Variants in ITSN2 observed in about 807,000 individuals in gnomAD.
ITSN2 encodes intersectin 2.
ITSN2 carries 156 observed loss-of-function variants against 243.7 expected under a neutral mutation model. The observed-to-expected ratio is 0.64, with a 90% confidence interval of 0.56 to 0.73. The LOEUF (loss-of-function observed/expected upper bound fraction) is 0.73. ITSN2 is among the 30% of genes least tolerant of loss of function. The pLI is 0.00. For missense variants in ITSN2, 1,801 were observed against 1,996.1 expected, an observed-to-expected ratio of 0.90 and a Z score of 1.86; for synonymous variants, 703 against 699.9, an observed-to-expected ratio of 1.00 and a Z score of -0.07.
chr2:24,339,642 T>C (rs1456646548), intron 1 of ITSN2, among the ~76,000 whole-genome samples: 1 of 152,120 alleles, frequency 6.6e-6, no homozygotes, highest in South Asian at 2.1e-4. Flanking sequence ...TTGTGTTTTA[T>C]ATATTGAAGC....
rs539957581 is a variant in ITSN2 at position 24,264,305 on chromosome 2, C to T, written c.2356-2563G>A. ...ACTCGGGAGGTGGAGGCAGGAGAATCGCTTGAACCAGGAAGGAGGTTGCAG... is the reference window on the plus strand; with the variant it reads ...ACTCGGGAGGTGGAGGCAGGAGAATTGCTTGAACCAGGAAGGAGGTTGCAG... On this transcript the variant is annotated intron_variant, in intron 20 of 39. Transcript: ENST00000355123. Among the ~76,000 whole-genome samples, 15 of 151,836 alleles carry T rather than the reference C, an allele frequency of 9.9e-5. No individual in the cohort carries two copies. The East Asian group carries it at 2.5e-3, about 26-fold the overall frequency.
intron 4 of ITSN2, 52 bp downstream of exon 4, chr2:24,313,388 TTTATGTTAACACTATATTAC>T: frequency 7.8e-7 from 1 of 1,276,442 alleles, no homozygotes; most frequent in Non-Finnish European, 1.1e-6. Context: ...TAAAAACAAT[TTTATGTTAACACTATATTAC>T]AAAAAAACAA....
intron 6 of ITSN2, 21 bp from the exon 7 acceptor site, chr2:24,310,401 A>G: frequency 6.2e-7 from 1 of 1,609,468 alleles, no homozygotes; most frequent in Non-Finnish European, 8.5e-7. Context: ...AAAAGAAGGA[A>G]AAGTATGAAA....
At chr2:24,255,753 C>G (rs1023927951) in intron 23 of ITSN2, among the ~76,000 whole-genome samples, 3 of 151,652 alleles carry the variant, frequency 2.0e-5, no homozygotes, top group Admixed American at 6.6e-5. Context: ...GTAGTGAAAC[C>G]CTGTCTCTAC....
intron 1 of ITSN2, among the ~76,000 whole-genome samples, chr2:24,358,636 A>G (rs985088879): frequency 6.6e-6 from 1 of 152,222 alleles, no homozygotes; most frequent in African/African-American, 2.4e-5. Context: ...AGATATACTA[A>G]CTACATAAGG....
At chr2:24,281,450 T>G (rs1051768318) in intron 17 of ITSN2, among the ~76,000 whole-genome samples, 46 of 152,224 alleles carry the variant, frequency 3.0e-4, no homozygotes, top group Admixed American at 2.9e-3. Flanking sequence ...GAGCTCATCT[T>G]GATCATAGTG....
intron 29 of ITSN2, among the ~76,000 whole-genome samples, chr2:24,223,824 G>A (rs377732196): frequency 7.7e-5 from 11 of 142,928 alleles, no homozygotes; most frequent in East Asian, 2.0e-4. Context: ...GGAAGGAAGG[G>A]AAAAAAAGGA....
chr2:24,333,723 T>C (rs953564693), intron 1 of ITSN2, among the ~76,000 whole-genome samples: 2 of 152,160 alleles, frequency 1.3e-5, no homozygotes, highest in African/African-American at 4.8e-5. Flanking sequence ...TTGGAGTAAT[T>C]GCCAAACGTA....
At chr2:24,307,814 T>C (rs1360693712) in intron 8 of ITSN2, among the ~76,000 whole-genome samples, 1 of 152,196 alleles carries the variant, frequency 6.6e-6, no homozygotes, top group Non-Finnish European at 1.5e-5. Flanking sequence ...TCTTAATTTC[T>C]CCTTTGTCAC....
chr2:24,268,690 T>C (rs1015845023), intron 20 of ITSN2, among the ~76,000 whole-genome samples: 2 of 152,106 alleles, frequency 1.3e-5, no homozygotes, highest in Admixed American at 1.3e-4. Context: ...TCCATTATCA[T>C]TAACCTGTTT....
chr2:24,256,844 T>C (rs1254801111), intron 23 of ITSN2, among the ~76,000 whole-genome samples: 1 of 152,022 alleles, frequency 6.6e-6, no homozygotes, highest in Non-Finnish European at 1.5e-5. Flanking sequence ...TAATGCAGAG[T>C]GCTATAAGCA....
intron 22 of ITSN2, among the ~76,000 whole-genome samples, chr2:24,260,326 G>A (rs1675656440): frequency 6.6e-6 from 1 of 151,978 alleles, no homozygotes; most frequent in Non-Finnish European, 1.5e-5. Flanking sequence ...GGTGAAATCT[G>A]GAGGACTTTG....
intron 17 of ITSN2, among the ~76,000 whole-genome samples, chr2:24,283,972 T>A (rs1036568506): frequency 1.3e-5 from 2 of 152,210 alleles, no homozygotes; most frequent in African/African-American, 2.4e-5. Context: ...ATCTTTCCAA[T>A]TTGCCCTACT....
At chr2:24,223,907 A>G (rs1421318743) in intron 29 of ITSN2, among the ~76,000 whole-genome samples, 1 of 151,890 alleles carries the variant, frequency 6.6e-6, no homozygotes, top group Non-Finnish European at 1.5e-5. Context: ...GAAAAGAAAG[A>G]AATAAATCAT....
Position 24,218,031 on chromosome 2 carries a change from A to G in ITSN2, c.3700-18T>C. ...TGAAAAACCTAAAGTCAAAACATAG[A>G]AAAACTAGTTAGCTTAAGTGTGGAT... On this transcript the variant is annotated intron_variant, in intron 30 of 39. Transcript: ENST00000355123. The G allele has an allele frequency of 6.4e-7, 1 of 1,567,228 alleles. No homozygotes were observed. The highest frequency in any genetic ancestry group is 8.8e-7 in the Non-Finnish European group (1 of 1,137,324).
chr2:24,258,112 C>A lies in ITSN2; in HGVS notation c.2683-19G>T. 1 of 1,590,548 alleles carries A rather than the reference C, an allele frequency of 6.3e-7. No homozygotes were observed. Among genetic ancestry groups the A allele is most frequent in the South Asian group, 1.1e-5 (1 of 89,916 alleles). ...CTTGTCCCTATGAATACAAAACCAC[C>A]AAAAATTTTTAAAAGGCAATGGTAA... On this transcript the variant is annotated intron_variant, in intron 22 of 39. Coordinates refer to ENST00000355123, the MANE Select transcript of ITSN2 (RefSeq NM_006277.3).
chr2:24,252,660 A>G (rs916032327), intron 24 of ITSN2, 149 bp from the exon 25 acceptor site: 2 of 448,584 alleles, frequency 4.5e-6, no homozygotes, highest in Non-Finnish European at 7.7e-6. Flanking sequence ...ATCTAAAGGT[A>G]GAAAAAGGAA....
At chr2:24,217,864 G>T (rs768931324) in intron 31 of ITSN2, 43 bp downstream of exon 31, 4 of 1,378,634 alleles carry the variant, frequency 2.9e-6, no homozygotes, top group East Asian at 2.3e-5. Flanking sequence ...CAGTCTGGGG[G>T]CTTTGGGGTC....
intron 14 of ITSN2, among the ~76,000 whole-genome samples, chr2:24,294,382 T>C (rs1245579534): frequency 6.6e-6 from 1 of 152,140 alleles, no homozygotes; most frequent in South Asian, 2.1e-4. Context: ...GCTGAGGTCA[T>C]GCCACTGCAC....
Sources: gnomAD v4.1 joint callset for allele counts (sites outside exome capture counted in the v4.1 genomes callset) on GRCh38, gnomAD v4.1.1 for gene constraint, MANE v1.5 for transcripts, NCBI Gene and HGNC (gene_info 2026-07-23, HGNC 2026-07-21) for gene names.